BRINP3: variants seen among roughly 807,000 people sequenced by gnomAD.
BRINP3 encodes BMP/retinoic acid-inducible neural-specific protein 3.
Under a neutral mutation model 71.0 loss-of-function variants are expected in BRINP3, and 19 were observed. The observed-to-expected ratio is 0.27, with a 90% confidence interval of 0.19 to 0.39. The LOEUF (loss-of-function observed/expected upper bound fraction) is 0.39. BRINP3 is among the 10% of genes least tolerant of loss of function. The probability of loss-of-function intolerance (pLI) is 1.00; values close to 1 mark genes in which losing one functional copy is unlikely to be tolerated. For missense variants in BRINP3, 959 were observed against 940.8 expected (o/e 1.02, Z -0.25); for synonymous variants, 380 against 337.7 (o/e 1.13, Z -1.37).
At chr1:190,337,941 C>A (rs930274575) in intron 2 of BRINP3, among the ~76,000 whole-genome samples, 1 of 151,930 alleles carries the variant, frequency 6.6e-6, no homozygotes, top group African/African-American at 2.4e-5. Flanking sequence ...TACTTTTATA[C>A]GTGAAATGGG....
At chr1:190,358,415 T>C (rs1467942299) in intron 2 of BRINP3, among the ~76,000 whole-genome samples, 2 of 151,816 alleles carry the variant, frequency 1.3e-5, no homozygotes, top group African/African-American at 4.8e-5. Context: ...GAAAAAATGC[T>C]CATCAACACT....
At chr1:190,408,670 T>C (rs1270785283) in intron 2 of BRINP3, among the ~76,000 whole-genome samples, 1 of 152,206 alleles carries the variant, frequency 6.6e-6, no homozygotes, top group Non-Finnish European at 1.5e-5. Context: ...TATTAAACTC[T>C]TTTTTCTATC....
At chr1:190,111,793 C>A (rs767513696) in intron 7 of BRINP3, among the ~76,000 whole-genome samples, 2 of 152,030 alleles carry the variant, frequency 1.3e-5, no homozygotes, top group Non-Finnish European at 1.5e-5. Flanking sequence ...GCCCTGAAAT[C>A]AAGTTCAGGG....
At chr1:190,282,891 T>C (rs1466683583) in intron 2 of BRINP3, among the ~76,000 whole-genome samples, 1 of 151,992 alleles carries the variant, frequency 6.6e-6, no homozygotes, top group Non-Finnish European at 1.5e-5. Flanking sequence ...TTACATTACA[T>C]GGCCAAGGAG....
intron 6 of BRINP3, among the ~76,000 whole-genome samples, chr1:190,177,447 G>C (rs1461427652): frequency 6.6e-6 from 1 of 150,590 alleles, no homozygotes; most frequent in East Asian, 2.0e-4. Flanking sequence ...CAAAGTGCTA[G>C]GATTACAGGC....
intron 2 of BRINP3, among the ~76,000 whole-genome samples, chr1:190,300,849 A>G (rs1464414753): frequency 7.9e-5 from 12 of 152,204 alleles, no homozygotes; most frequent in Non-Finnish European, 1.3e-4. Flanking sequence ...GAAAAACTGG[A>G]AACTCTAAAA....
intron 2 of BRINP3, among the ~76,000 whole-genome samples, chr1:190,304,898 G>C (rs887403413): frequency 2.0e-5 from 3 of 151,858 alleles, no homozygotes; most frequent in Non-Finnish European, 2.9e-5. Context: ...TATACAAGGA[G>C]CTCAAACAGC....
At chr1:190,440,319 C>A (rs1053864982) in intron 2 of BRINP3, among the ~76,000 whole-genome samples, 1 of 151,792 alleles carries the variant, frequency 6.6e-6, no homozygotes, top group African/African-American at 2.4e-5. Context: ...AATTTGATAT[C>A]TTTATGTTAA....
intron 7 of BRINP3, among the ~76,000 whole-genome samples, chr1:190,133,226 AAGAAC>A (rs1654686970): frequency 6.6e-6 from 1 of 152,152 alleles, no homozygotes; most frequent in Admixed American, 6.6e-5. Context: ...TGTATTCTCT[AAGAAC>A]TTGTAACACT....
chr1:190,293,207 T>C (rs1337016392), intron 2 of BRINP3, among the ~76,000 whole-genome samples: 3 of 152,134 alleles, frequency 2.0e-5, no homozygotes, highest in African/African-American at 7.2e-5. Context: ...ATATGTATTG[T>C]TATGTTTTGA....
chr1:190,179,889 T>C (rs1221073066), intron 6 of BRINP3, among the ~76,000 whole-genome samples: 1 of 152,140 alleles, frequency 6.6e-6, no homozygotes, highest in Non-Finnish European at 1.5e-5. Flanking sequence ...CATCTGACCT[T>C]AAAGATAGTT....
intron 6 of BRINP3, among the ~76,000 whole-genome samples, chr1:190,217,806 A>G (rs1442341467): frequency 1.3e-5 from 2 of 152,050 alleles, no homozygotes; most frequent in South Asian, 2.1e-4. Context: ...GCCTTTGGTT[A>G]TAAACCTAAG....
chr1:190,375,445 A>C (rs1359665810), intron 2 of BRINP3, among the ~76,000 whole-genome samples: 1 of 151,994 alleles, frequency 6.6e-6, no homozygotes, highest in Non-Finnish European at 1.5e-5. Flanking sequence ...TATAGAAATA[A>C]AAATATATGT....
chr1:190,331,311 A>C (rs1247409242), intron 2 of BRINP3, among the ~76,000 whole-genome samples: 6 of 152,006 alleles, frequency 3.9e-5, no homozygotes, highest in Admixed American at 6.6e-5. Context: ...ATGTACCCAA[A>C]GACTTTTTTT....
intron 2 of BRINP3, among the ~76,000 whole-genome samples, chr1:190,337,312 T>C (rs1667355546): frequency 6.6e-6 from 1 of 152,066 alleles, no homozygotes; most frequent in South Asian, 2.1e-4. Flanking sequence ...ATGGTTACTA[T>C]TGTTACTCAA....
chr1:190,175,953 G>A (rs1165498861), intron 6 of BRINP3, among the ~76,000 whole-genome samples: 1 of 152,214 alleles, frequency 6.6e-6, no homozygotes, highest in Non-Finnish European at 1.5e-5. Context: ...TGGAACATAA[G>A]GCCCTCCTGG....
intron 2 of BRINP3, among the ~76,000 whole-genome samples, chr1:190,402,721 T>C (rs1672009255): frequency 6.6e-6 from 1 of 152,188 alleles, no homozygotes; most frequent in South Asian, 2.1e-4. Flanking sequence ...TATTTGTTCT[T>C]CATTTATTTA....
At chr1:190,412,421 T>C (rs998013654) in intron 2 of BRINP3, among the ~76,000 whole-genome samples, 1 of 146,854 alleles carries the variant, frequency 6.8e-6, no homozygotes, top group South Asian at 2.1e-4. Flanking sequence ...ATATACACTT[T>C]TTTTTACTAT....
chr1:190,165,458 T>G (rs868620455), intron 6 of BRINP3, among the ~76,000 whole-genome samples: 1,209 of 106,604 alleles, frequency 0.011, 7 homozygotes, highest in Non-Finnish European at 0.018. Context: ...TTTTTTTTTT[T>G]TTTGTGTGTG....
Sources: gnomAD v4.1 joint callset for allele counts (sites outside exome capture counted in the v4.1 genomes callset) on GRCh38, gnomAD v4.1.1 for gene constraint, MANE v1.5 for transcripts, NCBI Gene and HGNC (gene_info 2026-07-23, HGNC 2026-07-21) for gene names.